Variants in LRP1B observed in about 807,000 individuals in gnomAD.
The protein encoded by LRP1B is LDL receptor related protein 1B, also known as low-density lipoprotein receptor-related protein 1B.
LRP1B carries 217 observed loss-of-function variants against 556.6 expected under a neutral mutation model. The observed-to-expected ratio is 0.39, with a 90% CI of 0.35 to 0.44. LRP1B has a LOEUF of 0.44. Among genes scored for constraint, LRP1B ranks in the 20% least tolerant of loss-of-function variants. The probability of loss-of-function intolerance (pLI) is 1.00; values close to 1 mark genes in which losing one functional copy is unlikely to be tolerated. For synonymous variants in LRP1B, 2,047 were observed against 1,865.8 expected, an observed-to-expected ratio of 1.10 and a Z score of -2.50; for missense variants, 5,053 against 5,620.8, an observed-to-expected ratio of 0.90 and a Z score of 3.23.
chr2:142,117,460 A>G (rs1707313141), intron 1 of LRP1B, among the ~76,000 whole-genome samples: 1 of 152,038 alleles, frequency 6.6e-6, no homozygotes, highest in African/African-American at 2.4e-5. Flanking sequence ...TGCACCAAGT[A>G]AAAACATGTT....
intron 1 of LRP1B, among the ~76,000 whole-genome samples, chr2:141,882,379 T>C (rs1435590): frequency 0.87 from 132,103 of 152,142 alleles, 57,441 homozygotes; most frequent in East Asian, 1. Flanking sequence ...CATTAAACCC[T>C]AATATGGGGT....
chr2:141,570,342 C>A (rs938482536), intron 2 of LRP1B, among the ~76,000 whole-genome samples: 4 of 150,804 alleles, frequency 2.7e-5, no homozygotes, highest in Non-Finnish European at 4.5e-5. Context: ...CTCCCCTAGC[C>A]AAGGGAGGCA....
At chr2:141,896,323 C>CA (rs1177779836) in intron 1 of LRP1B, among the ~76,000 whole-genome samples, 4 of 152,060 alleles carry the variant, frequency 2.6e-5, no homozygotes, top group Non-Finnish European at 4.4e-5. Context: ...ATAGTGCTTA[C>CA]AAAATCAAAA....
intron 84 of LRP1B, 53 bp from the exon 85 acceptor site, chr2:140,274,651 C>A (rs76176617): frequency 6.7e-7 from 1 of 1,483,852 alleles, no homozygotes; most frequent in Admixed American, 1.9e-5. Context: ...GGACATTTTT[C>A]TTCAGTCATA....
intron 15 of LRP1B, among the ~76,000 whole-genome samples, chr2:140,995,291 G>T (rs1007655201): frequency 2.6e-5 from 4 of 151,884 alleles, no homozygotes; most frequent in Non-Finnish European, 4.4e-5. Context: ...TTGTTTTTCG[G>T]CCATACAGAA....
chr2:141,291,876 A>AAAC (rs1558985652), intron 3 of LRP1B, among the ~76,000 whole-genome samples: 4 of 81,906 alleles, frequency 4.9e-5, no homozygotes, highest in Non-Finnish European at 1.2e-4. Flanking sequence ...AAAAAAAAAA[A>AAAC]AAAAAAAAAA....
chr2:141,894,473 T>G, intron 1 of LRP1B, among the ~76,000 whole-genome samples: 1 of 152,084 alleles, frequency 6.6e-6, no homozygotes, highest in Non-Finnish European at 1.5e-5. Flanking sequence ...CTTTATTTAA[T>G]TGTCACAAAC....
intron 43 of LRP1B, among the ~76,000 whole-genome samples, chr2:140,572,358 G>A (rs146429904): frequency 1.5e-4 from 23 of 151,402 alleles, no homozygotes; most frequent in Non-Finnish European, 2.5e-4. Flanking sequence ...CTCAAAAGAC[G>A]ACATGCAAAT....
intron 79 of LRP1B, among the ~76,000 whole-genome samples, chr2:140,327,125 G>A (rs1203937398): frequency 6.6e-6 from 1 of 152,086 alleles, no homozygotes; most frequent in Non-Finnish European, 1.5e-5. Context: ...GGCAACTGAA[G>A]AGTGTTCCCA....
chr2:141,824,287 G>A (rs1276019980), intron 1 of LRP1B, among the ~76,000 whole-genome samples: 2 of 152,174 alleles, frequency 1.3e-5, no homozygotes, highest in Non-Finnish European at 2.9e-5. Context: ...TGTTTAGAGA[G>A]TTAAATGACT....
At chr2:141,124,542 T>C (rs190201736) in intron 7 of LRP1B, among the ~76,000 whole-genome samples, 22 of 152,088 alleles carry the variant, frequency 1.4e-4, no homozygotes, top group Admixed American at 1.3e-3. Context: ...CTTAATTCCA[T>C]GATCTCACTT....
chr2:140,685,363 C>T (rs776224921), intron 41 of LRP1B, among the ~76,000 whole-genome samples: 2 of 152,138 alleles, frequency 1.3e-5, no homozygotes, highest in Admixed American at 1.3e-4. Flanking sequence ...TTGTTCCAAC[C>T]AGCATTTATT....
At chr2:141,124,305 C>T (rs944640974) in intron 7 of LRP1B, among the ~76,000 whole-genome samples, 10 of 152,010 alleles carry the variant, frequency 6.6e-5, no homozygotes, top group African/African-American at 1.9e-4. Context: ...TTCTTTTCTC[C>T]TCCTTTACCT....
chr2:141,208,816 C>G (rs1271761874), intron 6 of LRP1B, among the ~76,000 whole-genome samples: 1 of 125,288 alleles, frequency 8.0e-6, no homozygotes, highest in Non-Finnish European at 1.6e-5. Context: ...TTACAGTGAG[C>G]TGAGATCACG....
intron 87 of LRP1B, among the ~76,000 whole-genome samples, chr2:140,240,432 A>T (rs1680898769): frequency 6.6e-6 from 1 of 150,734 alleles, no homozygotes; most frequent in Admixed American, 6.7e-5. Context: ...TATATACTAG[A>T]TTAGCAATAG....
intron 1 of LRP1B, among the ~76,000 whole-genome samples, chr2:142,070,106 A>G (rs1039367372): frequency 2.6e-4 from 39 of 151,774 alleles, no homozygotes; most frequent in African/African-American, 8.9e-4. Flanking sequence ...CACATTCCCA[A>G]CAACCCGTTT....
chr2:141,546,350 C>T (rs10190973), intron 2 of LRP1B, among the ~76,000 whole-genome samples: 4,450 of 152,156 alleles, frequency 0.029, 126 homozygotes, highest in South Asian at 0.093. Flanking sequence ...AGCTAGTAAG[C>T]GGGCAAGCAG....
At chr2:140,992,922 G>C (rs897898594) in intron 16 of LRP1B, among the ~76,000 whole-genome samples, 3 of 151,906 alleles carry the variant, frequency 2.0e-5, no homozygotes, top group African/African-American at 7.2e-5. Context: ...TGGAAATCAA[G>C]AGAAAATGCA....
chr2:142,127,466 T>C (rs1307898336), intron 1 of LRP1B, among the ~76,000 whole-genome samples: 1 of 151,934 alleles, frequency 6.6e-6, no homozygotes, highest in Non-Finnish European at 1.5e-5. Flanking sequence ...TCCTGAATTC[T>C]GTTTTCTGCA....
Sources: allele counts gnomAD v4.1 joint callset (sites outside exome capture counted in the v4.1 genomes callset), GRCh38; gene constraint gnomAD v4.1.1; transcripts MANE v1.5; gene names NCBI Gene and HGNC (gene_info 2026-07-23, HGNC 2026-07-21).